The following BLOC1S2 variants were observed in gnomAD, a reference collection of about 807,000 sequenced individuals.
BLOC1S2 encodes the protein biogenesis of lysosomal organelles complex 1 subunit 2, also known as biogenesis of lysosome-related organelles complex 1 subunit 2.
A neutral mutation model predicts 19.6 loss-of-function variants in BLOC1S2; 12 were observed. That is an observed-to-expected ratio of 0.61 (90% CI 0.39 to 0.99). The LOEUF (loss-of-function observed/expected upper bound fraction) is 0.99. Among genes scored for constraint, BLOC1S2 ranks in the 50% least tolerant of loss-of-function variants. The pLI is 0.00. For synonymous variants in BLOC1S2, 66 were observed against 64.1 expected (o/e 1.03, Z -0.14); for missense variants, 142 against 171.0 (o/e 0.83, Z 0.95).
intron 2 of BLOC1S2, chr10:100,283,011 G>A (rs1589652086): frequency 5.0e-6 from 2 of 398,430 alleles, no homozygotes; most frequent in South Asian, 2.5e-4. Context: ...CAATCTCTGA[G>A]CTCTGGAATC....
intron 1 of BLOC1S2, 22 bp downstream of exon 1, chr10:100,286,583 C>T (rs762435903): frequency 6.2e-7 from 1 of 1,612,660 alleles, no homozygotes. Context: ...CCGGACGCTT[C>T]CTCCCCATCC....
chr10:100,281,640 G>T (rs1848104285), intron 2 of BLOC1S2, among the ~76,000 whole-genome samples: 1 of 149,750 alleles, frequency 6.7e-6, no homozygotes, highest in Non-Finnish European at 1.5e-5. Context: ...CCGAGATTGT[G>T]CCACTGCATT....
chr10:100,281,711 T>TAC (rs71013439), intron 2 of BLOC1S2, among the ~76,000 whole-genome samples: 8,414 of 132,484 alleles, frequency 0.064, 386 homozygotes, highest in East Asian at 0.28. Flanking sequence ...TATATACACA[T>TAC]ACACACACAC....
Position 100,286,608 on chromosome 10 carries a change from G to C in BLOC1S2, c.52C>G (p.Arg18Gly). Residue 18 changes from arginine (R) to glycine (G), a missense_variant, in exon 1 of 5, where the codon CGA becomes GGA. Coordinates refer to ENST00000370372, the MANE Select transcript of BLOC1S2 (RefSeq NM_173809.5). ...CCTCCCCATCCATTCCGGGTACCTC[G>C]GGCGGGCTCATCACTCCGGGTCGCC... ...VLATRSDEPA[R>G]DDAAVETAEE... 6.2e-7 allele frequency: 1 copy of C among 1,612,740 alleles called. No individual in the cohort carries two copies. Among genetic ancestry groups the C allele is most frequent in the Non-Finnish European group, 8.5e-7 (1 of 1,179,278 alleles).
intron 4 of BLOC1S2, among the ~76,000 whole-genome samples, chr10:100,276,489 C>T (rs1356114057): frequency 8.0e-6 from 1 of 124,348 alleles, no homozygotes; most frequent in African/African-American, 3.0e-5. Context: ...TCCCGTCTCC[C>T]TCTCCCTCTC....
At position 100,274,393 on chromosome 10, in the gene BLOC1S2, G is replaced by A. The variant is rs1188182338; in HGVS notation, c.*1069C>T. On this transcript the variant is annotated 3_prime_UTR_variant, in exon 5 of 5. Coordinates refer to ENST00000370372, the MANE Select transcript of BLOC1S2 (RefSeq NM_173809.5). ...AAGATTGCTCTGGCAGCAGTGTGGAGGGTGGTTGGAAGGGACAGTTAAGAT... is the reference window on the plus strand; with the variant it reads ...AAGATTGCTCTGGCAGCAGTGTGGAAGGTGGTTGGAAGGGACAGTTAAGAT... 2 of 152,548 alleles carry A rather than the reference G, an allele frequency of 1.3e-5. No homozygotes were observed. Among genetic ancestry groups the A allele is most frequent in the Non-Finnish European group, 2.9e-5 (2 of 68,164 alleles). The allele number at this position is 152,548 out of a possible 1,614,324, so 9.4% of individuals were successfully genotyped here. A position where few individuals can be genotyped will look rare whatever the true frequency, so the allele number is the denominator to read the frequency against.
chr10:100,275,640 G>A (rs772157422), intron 4 of BLOC1S2, 147 bp from the exon 5 acceptor site: 22 of 690,670 alleles, frequency 3.2e-5, no homozygotes, highest in African/African-American at 1.4e-4. Context: ...CCAAATATAC[G>A]GATCACTGAT....
At chr10:100,279,565 T>A (rs1848046530) in intron 4 of BLOC1S2, among the ~76,000 whole-genome samples, 1 of 152,004 alleles carries the variant, frequency 6.6e-6, no homozygotes, top group Non-Finnish European at 1.5e-5. Context: ...AAACCTCGTC[T>A]CTACTAAAAG....
rs1303911260 is a variant in BLOC1S2, at chr10:100,273,577, GTAA to G, written c.*1882_*1884del. On this transcript the variant is annotated 3_prime_UTR_variant, in exon 5 of 5. Coordinates refer to ENST00000370372, the MANE Select transcript of BLOC1S2 (RefSeq NM_173809.5). ...TGGCTGGGTGCGGTGGCTCACACCT[GTAA>G]TCCCAGCACTTTGGGAGGCCGAGGT... The G allele has an allele frequency of 1.3e-5, 2 of 152,250 alleles. No individual in the cohort carries two copies. Among genetic ancestry groups the G allele is most frequent in the Non-Finnish European group, 2.9e-5 (2 of 68,066 alleles). The allele number at this position is 152,250 out of a possible 1,614,324, so 9.4% of individuals were successfully genotyped here.
chr10:100,280,880 A>G (rs531388729), intron 3 of BLOC1S2, 54 bp downstream of exon 3: 1 of 1,545,764 alleles, frequency 6.5e-7, no homozygotes, highest in East Asian at 2.3e-5. Flanking sequence ...CATGGCCCCA[A>G]GCACAAAAGA....
chr10:100,283,049 G>C (rs1822083417), intron 2 of BLOC1S2: 3 of 397,766 alleles, frequency 7.5e-6, no homozygotes, highest in Non-Finnish European at 8.9e-6. Flanking sequence ...GAGTTCCCTA[G>C]TTACATCAAC....
At chr10:100,281,466 C>T (rs1273165607) in intron 2 of BLOC1S2, among the ~76,000 whole-genome samples, 5 of 151,940 alleles carry the variant, frequency 3.3e-5, no homozygotes, top group African/African-American at 9.7e-5. Context: ...CGGGTGATCA[C>T]GAGGTCAGGA....
chr10:100,284,311 C>G (rs901971527), intron 2 of BLOC1S2, among the ~76,000 whole-genome samples: 9 of 152,188 alleles, frequency 5.9e-5, no homozygotes, highest in Non-Finnish European at 1.2e-4. Context: ...AAAGAGAAGC[C>G]AAACACCTAC....
At chr10:100,285,459 G>A (rs1589653481) in intron 2 of BLOC1S2, among the ~76,000 whole-genome samples, 1 of 152,162 alleles carries the variant, frequency 6.6e-6, no homozygotes, top group African/African-American at 2.4e-5. Flanking sequence ...ACAGGATTTC[G>A]CCATTTTGCC....
chr10:100,281,400 AT>A (rs1190464487), intron 2 of BLOC1S2, among the ~76,000 whole-genome samples: 1 of 152,134 alleles, frequency 6.6e-6, no homozygotes, highest in Non-Finnish European at 1.5e-5. Context: ...TATATATACT[AT>A]CAGGCTGGGC....
chr10:100,281,711 T>TACACACACACACACACACACACACAC (rs71013439), intron 2 of BLOC1S2, among the ~76,000 whole-genome samples: 3 of 132,538 alleles, frequency 2.3e-5, no homozygotes, highest in African/African-American at 8.6e-5. Flanking sequence ...TATATACACA[T>TACACACACACACACACACACACACAC]ACACACACAC....
At chr10:100,279,430 T>G (rs34955138) in intron 4 of BLOC1S2, among the ~76,000 whole-genome samples, 43,956 of 152,010 alleles carry the variant, frequency 0.29, 8,046 homozygotes, top group Non-Finnish European at 0.43. Flanking sequence ...GCCTACAAAA[T>G]GAGGATAAAA....
chr10:100,280,069 A>G (rs190162747), intron 4 of BLOC1S2, 55 bp downstream of exon 4: 2 of 1,374,936 alleles, frequency 1.5e-6, no homozygotes, highest in African/African-American at 2.9e-5. Flanking sequence ...TTTACTAAGA[A>G]TATGCTGGCA....
chr10:100,277,640 C>T (rs528419057), intron 4 of BLOC1S2, among the ~76,000 whole-genome samples: 2 of 138,106 alleles, frequency 1.4e-5, no homozygotes, highest in African/African-American at 5.5e-5. Context: ...CCAGCCACCC[C>T]GTCCAGGAGG....
Sources: allele counts gnomAD v4.1 joint callset (sites outside exome capture counted in the v4.1 genomes callset), GRCh38; gene constraint gnomAD v4.1.1; transcripts MANE v1.5; gene names NCBI Gene and HGNC (gene_info 2026-07-23, HGNC 2026-07-21).